GPD1L: variants seen among roughly 807,000 people sequenced by gnomAD.
GPD1L encodes the protein glycerol-3-phosphate dehydrogenase 1 like.
GPD1L carries 17 observed loss-of-function variants against 32.9 expected under a neutral mutation model. The ratio of observed to expected loss-of-function variants is 0.52; its 90% CI spans 0.35 to 0.78. The LOEUF (loss-of-function observed/expected upper bound fraction) is 0.78. Ranked by LOEUF, GPD1L falls within the 30% of genes least tolerant of loss-of-function variation. The pLI, the probability that GPD1L is intolerant of heterozygous loss-of-function variation, is 0.01. For missense variants in GPD1L, 361 were observed against 447.8 expected, an observed-to-expected ratio of 0.81 and a Z score of 1.75; for synonymous variants, 187 against 165.9, an observed-to-expected ratio of 1.13 and a Z score of -0.98.
chr3:32,147,948 G>A (rs1321443378), intron 5 of GPD1L, among the ~76,000 whole-genome samples: 1 of 152,206 alleles, frequency 6.6e-6, no homozygotes, highest in Admixed American at 6.5e-5. Flanking sequence ...GGGCTCCTAG[G>A]GAGCACACAT....
chr3:32,129,972 CCTGT>C (rs1700562107), intron 2 of GPD1L, among the ~76,000 whole-genome samples: 1 of 152,102 alleles, frequency 6.6e-6, no homozygotes. Flanking sequence ...CCCTTGTGTA[CCTGT>C]CTGTCTACCT....
At chr3:32,144,701 T>G (rs778815698) in intron 4 of GPD1L, among the ~76,000 whole-genome samples, 12 of 151,550 alleles carry the variant, frequency 7.9e-5, no homozygotes, top group Non-Finnish European at 1.5e-4. Context: ...TGTTGTTGTT[T>G]TTGAGATGGA....
At chr3:32,157,462 C>T (rs2125497066) in intron 5 of GPD1L, among the ~76,000 whole-genome samples, 1 of 152,288 alleles carries the variant, frequency 6.6e-6, no homozygotes, top group African/African-American at 2.4e-5. Flanking sequence ...CCCCTGGGGG[C>T]ATCTTCAGCC....
intron 1 of GPD1L, among the ~76,000 whole-genome samples, chr3:32,123,344 G>T (rs1379796836): frequency 6.6e-6 from 1 of 152,208 alleles, no homozygotes; most frequent in African/African-American, 2.4e-5. Context: ...AAGGCTCAGA[G>T]TCTGAGGCCT....
intron 1 of GPD1L, among the ~76,000 whole-genome samples, chr3:32,108,475 G>A (rs182455762): frequency 1.4e-3 from 207 of 152,268 alleles, no homozygotes; most frequent in African/African-American, 4.5e-3. Context: ...TTGCACCATC[G>A]TACTCTAGTC....
chr3:32,167,772 A>G lies in GPD1L; in HGVS notation c.*1862A>G, dbSNP rs114349261. The G allele has an allele frequency of 2.1e-3, 315 of 152,426 alleles. 1 individual carries two copies. Among genetic ancestry groups the G allele is most frequent in the African/African-American group, 7.4e-3 (306 of 41,566 alleles). 9.4% of individuals were successfully genotyped at this position (152,426 alleles called of 1,614,324 possible). A position where few individuals can be genotyped will look rare whatever the true frequency, so the allele number is the denominator to read the frequency against. ...AGGATTTCTTTTTTTCTATACCTTG[A>G]AATGATTATAAAATAGATTTTCATG... On this transcript the variant is annotated 3_prime_UTR_variant, in exon 8 of 8. Coordinates refer to ENST00000282541, the MANE Select transcript of GPD1L (RefSeq NM_015141.4).
At chr3:32,115,916 T>A (rs1347188688) in intron 1 of GPD1L, among the ~76,000 whole-genome samples, 2 of 151,544 alleles carry the variant, frequency 1.3e-5, no homozygotes, top group African/African-American at 4.9e-5. Flanking sequence ...AGCCTCCGAG[T>A]AGCTGGGACT....
In GPD1L at chr3:32,133,052, G is replaced by A. The variant is rs932401572; in HGVS notation, c.225+4799G>A. ...TATGTCCCAAGTATGACACTGCTAT[G>A]TGTTTTACTCCTGGTATTGTCTTGA... On this transcript the variant is annotated intron_variant, in intron 2 of 7. Coordinates refer to ENST00000282541, the MANE Select transcript of GPD1L (RefSeq NM_015141.4). Among the ~76,000 whole-genome samples the A allele has an allele frequency of 2.5e-4, 38 of 152,284 alleles. No individual in the cohort carries two copies. In the Middle Eastern group the frequency reaches 0.01, roughly 41 times the overall value.
chr3:32,121,646 A>ATTTCT (rs1491307367), intron 1 of GPD1L, among the ~76,000 whole-genome samples: 1 of 93,032 alleles, frequency 1.1e-5, no homozygotes. Flanking sequence ...CTATATATAT[A>ATTTCT]ATATATATAT....
rs1347560741 is a variant in GPD1L, at chr3:32,128,178, A to G, written c.150A>G (p.Arg50=). ...MWVFEETVNG[R]KLTDIINNDH... Reference sequence around the variant, plus strand: ...TCTTTGAAGAAACAGTGAATGGCAGAAAACTGACAGACATCATAAATAATG... The same window carrying G: ...TCTTTGAAGAAACAGTGAATGGCAGGAAACTGACAGACATCATAAATAATG... Residue 50 remains arginine, a synonymous_variant, in exon 2 of 8, where the codon AGA becomes AGG. Coordinates refer to ENST00000282541, the MANE Select transcript of GPD1L (RefSeq NM_015141.4). 6.2e-7 allele frequency: 1 copy of G among 1,613,120 alleles called. No homozygotes were observed. Among genetic ancestry groups the G allele is most frequent in the South Asian group, 1.1e-5 (1 of 91,054 alleles).
At chr3:32,118,488 G>A (rs939908898) in intron 1 of GPD1L, among the ~76,000 whole-genome samples, 6 of 152,044 alleles carry the variant, frequency 3.9e-5, no homozygotes, top group African/African-American at 7.2e-5. Context: ...GCTGGTCCAC[G>A]AACTGCACTT....
At chr3:32,140,638 C>A (rs1252542170) in intron 4 of GPD1L, among the ~76,000 whole-genome samples, 1 of 152,158 alleles carries the variant, frequency 6.6e-6, no homozygotes, top group Non-Finnish European at 1.5e-5. Flanking sequence ...AGGTTAAACA[C>A]AAAAGTGCAA....
At chr3:32,153,771 A>G (rs1008992613) in intron 5 of GPD1L, among the ~76,000 whole-genome samples, 1 of 152,192 alleles carries the variant, frequency 6.6e-6, no homozygotes, top group Non-Finnish European at 1.5e-5. Context: ...TGCAGGTAGC[A>G]TGGGCTGGTT....
At chr3:32,142,989 A>T (rs912991459) in intron 4 of GPD1L, among the ~76,000 whole-genome samples, 2 of 152,126 alleles carry the variant, frequency 1.3e-5, no homozygotes, top group Non-Finnish European at 2.9e-5. Context: ...TCACCCTGGG[A>T]AATGTAGCTG....
chr3:32,151,115 C>A (rs1700913691), intron 5 of GPD1L: 1 of 480,110 alleles, frequency 2.1e-6, no homozygotes, highest in South Asian at 1.9e-5. Context: ...TAAGTCCCAG[C>A]AGCTCAGGCT....
chr3:32,111,027 G>C (rs549643458), intron 1 of GPD1L, among the ~76,000 whole-genome samples: 5 of 152,100 alleles, frequency 3.3e-5, no homozygotes, highest in Admixed American at 6.6e-5. Flanking sequence ...CACCATGCCC[G>C]GCTAAGTTTT....
chr3:32,134,243 T>C (rs1700627678), intron 2 of GPD1L, among the ~76,000 whole-genome samples: 1 of 152,232 alleles, frequency 6.6e-6, no homozygotes, highest in Non-Finnish European at 1.5e-5. Context: ...GAACTTGTTC[T>C]GATACGGTGT....
chr3:32,114,908 C>G lies in GPD1L; in HGVS notation c.47+8150C>G, dbSNP rs552481028. On this transcript the variant is annotated intron_variant, in intron 1 of 7. Coordinates refer to ENST00000282541, the MANE Select transcript of GPD1L (RefSeq NM_015141.4). ...TTGTTCCTCCAGGTGGGTTTGTGGT[C>G]TCGCTTACTTCAGGAGTGAAGCCGC... 3.3e-4 allele frequency among the ~76,000 whole-genome samples: 50 copies of G among 152,292 alleles called. 2 individuals are homozygous for G. The South Asian group carries it at 0.01, about 32-fold the overall frequency.
chr3:32,130,839 C>T (rs1008733976), intron 2 of GPD1L, among the ~76,000 whole-genome samples: 1 of 152,024 alleles, frequency 6.6e-6, no homozygotes, highest in African/African-American at 2.4e-5. Context: ...ATGGCAAAAC[C>T]TCATCTCTAC....
Sources: allele counts gnomAD v4.1 joint callset (sites outside exome capture counted in the v4.1 genomes callset), GRCh38; gene constraint gnomAD v4.1.1; transcripts MANE v1.5; gene names NCBI Gene and HGNC (gene_info 2026-07-23, HGNC 2026-07-21).